The following FRMPD4 variants were observed in gnomAD, a reference collection of about 807,000 sequenced individuals.
FRMPD4 encodes FERM and PDZ domain containing 4.
Under a neutral mutation model 94.1 loss-of-function variants are expected in FRMPD4, and 22 were observed. The ratio of observed to expected loss-of-function variants is 0.23; its 90% CI spans 0.17 to 0.33. The LOEUF (loss-of-function observed/expected upper bound fraction) is 0.33. Among genes scored for constraint, FRMPD4 ranks in the 10% least tolerant of loss-of-function variants. FRMPD4 has a pLI of 1.00. For synonymous variants in FRMPD4, 631 were observed against 548.6 expected (o/e 1.15, Z -2.10); for missense variants, 1,111 against 1,339.9 (o/e 0.83, Z 2.67).
intron 1 of FRMPD4, chrX:12,375,263 ACAACT>A (rs2148013085): frequency 8.9e-6 from 1 of 112,863 alleles, no homozygotes; most frequent in African/African-American, 3.2e-5. Context: ...AGTGACTTAA[ACAACT>A]CAATTTATAA....
rs1001296423 is a variant in FRMPD4 at position 12,138,626 on chromosome X, C to G, written c.-346C>G. 3.5e-6 allele frequency: 1 copy of G among 286,598 alleles called. No homozygotes were observed. The highest frequency in any genetic ancestry group is 6.2e-5 in the Admixed American group (1 of 16,097). The allele number at this position is 286,598 out of a possible 1,213,427, so 23.6% of individuals were successfully genotyped here. A position where few individuals can be genotyped will look rare whatever the true frequency, so the allele number is the denominator to read the frequency against. ...CCCAGGCCTCGCTTTCTCTGGACGC[C>G]CGGCAGTCCCCGGGGCTAGAGCGCA... On this transcript the variant is annotated 5_prime_UTR_variant, in exon 1 of 17. Transcript: ENST00000675598.
At chrX:11,985,563 C>T (rs1416163422) in intron 3 of FRMPD4, among the ~76,000 whole-genome samples, 1 of 111,936 alleles carries the variant, frequency 8.9e-6, no homozygotes, top group African/African-American at 3.3e-5. Flanking sequence ...AGGTACCAGG[C>T]GCTGTGAGGA....
intron 2 of FRMPD4, among the ~76,000 whole-genome samples, chrX:12,567,613 G>A (rs1373438234): frequency 8.9e-6 from 1 of 111,900 alleles, no homozygotes. Context: ...ATGGGGTGAT[G>A]CCTACATGGT....
At position 12,260,889 on chromosome X, in the gene FRMPD4, A is replaced by G. The variant is rs1467988833; in HGVS notation, c.41+121877A>G. ...ACTTCTCTTTTTTCTGCATATGGCT[A>G]ACTTCTCTTATTTTTTAAGGTGACC... is the stretch of plus-strand genomic sequence containing the variant. On this transcript the variant is annotated intron_variant, in intron 1 of 16. Coordinates refer to ENST00000675598, the MANE Select transcript of FRMPD4 (RefSeq NM_001368397.1). 7.2e-5 allele frequency among the ~76,000 whole-genome samples: 8 copies of G among 111,734 alleles called. No individual in the cohort carries two copies. The South Asian group carries it at 2.6e-3, about 37-fold the overall frequency.
intron 1 of FRMPD4, among the ~76,000 whole-genome samples, chrX:12,206,089 G>A (rs1200395868): frequency 8.9e-6 from 1 of 112,038 alleles, no homozygotes. Context: ...TAAACCTGGT[G>A]ACAAATCTGG....
At chrX:12,568,841 G>C in intron 2 of FRMPD4, among the ~76,000 whole-genome samples, 1 of 110,448 alleles carries the variant, frequency 9.1e-6, no homozygotes, top group Middle Eastern at 4.7e-3. Context: ...AGGAAGATAC[G>C]CATTTCAGAG....
chrX:12,316,446 C>G (rs1432558624), intron 1 of FRMPD4, among the ~76,000 whole-genome samples: 1 of 111,776 alleles, frequency 8.9e-6, no homozygotes, highest in Non-Finnish European at 1.9e-5. Context: ...AGCTGCCGTG[C>G]CCAGCCCATT....
intron 1 of FRMPD4, among the ~76,000 whole-genome samples, chrX:12,420,926 T>G (rs1365044036): frequency 8.9e-6 from 1 of 112,777 alleles, no homozygotes; most frequent in Non-Finnish European, 1.9e-5. Context: ...TCTTTTCAAT[T>G]TATCTTTCAC....
At chrX:11,992,591 A>G (rs911211318) in intron 3 of FRMPD4, among the ~76,000 whole-genome samples, 1 of 111,957 alleles carries the variant, frequency 8.9e-6, no homozygotes, top group African/African-American at 3.2e-5. Context: ...ATATGATTAC[A>G]TCAATCTTTA....
At chrX:11,851,167 A>G (rs1462146914) in intron 1 of FRMPD4, among the ~76,000 whole-genome samples, 2 of 111,509 alleles carry the variant, frequency 1.8e-5, no homozygotes, top group East Asian at 5.7e-4. Flanking sequence ...TCCTACCTGA[A>G]GATCAGTCGT....
chrX:12,282,912 T>C (rs1190039942), intron 1 of FRMPD4, among the ~76,000 whole-genome samples: 1 of 112,671 alleles, frequency 8.9e-6, no homozygotes, highest in Non-Finnish European at 1.9e-5. Flanking sequence ...GTTCAATTCA[T>C]AACCATCAGC....
chrX:12,541,333 A>G (rs1275715987), intron 2 of FRMPD4, among the ~76,000 whole-genome samples: 2 of 111,703 alleles, frequency 1.8e-5, no homozygotes, highest in Non-Finnish European at 3.8e-5. Context: ...CACAATTGAT[A>G]GACGGCTACC....
In FRMPD4 at chrX:11,864,430, A is replaced by G. The variant is rs187892354; in HGVS notation, c.-160-656A>G. Among the ~76,000 whole-genome samples the G allele has an allele frequency of 2.0e-4, 22 of 109,690 alleles. No individual in the cohort carries two copies. In the East Asian group the frequency reaches 6.4e-3, roughly 32 times the overall value. On this transcript the variant is annotated intron_variant, in intron 1 of 18. Coordinates refer to the FRMPD4 transcript ENST00000640291. ...CCACAAGACTAAGCCAAGACCAAAC[A>G]TTGCAAGCAGAAGGGAAGAAGAAAA...
At chrX:12,505,862 A>G (rs2057979010) in intron 2 of FRMPD4, among the ~76,000 whole-genome samples, 1 of 111,888 alleles carries the variant, frequency 8.9e-6, no homozygotes, top group Non-Finnish European at 1.9e-5. Flanking sequence ...AGTTCCTCTC[A>G]AAGCTTGAAT....
At chrX:12,545,303 T>A (rs1174821083) in intron 2 of FRMPD4, among the ~76,000 whole-genome samples, 1 of 66,836 alleles carries the variant, frequency 1.5e-5, no homozygotes, top group Non-Finnish European at 3.3e-5. Context: ...GTATTTTATG[T>A]GTGGCCCCAA....
At chrX:12,708,331 G>C (rs1020513048) in intron 13 of FRMPD4, among the ~76,000 whole-genome samples, 1 of 109,964 alleles carries the variant, frequency 9.1e-6, no homozygotes, top group Admixed American at 9.7e-5. Context: ...TTAGCCGGGC[G>C]TGGTGGCGTG....
rs188489581 is a variant in FRMPD4 at position 12,212,049 on chromosome X, T to C, written c.41+73037T>C. Among the ~76,000 whole-genome samples, 11 of 111,639 alleles carry C rather than the reference T, an allele frequency of 9.9e-5. No homozygotes were observed. In the East Asian group the frequency reaches 3.1e-3, roughly 31 times the overall value. ...GATGTTTATTACTGTGGCAGAAACT[T>C]CCAGTTCCTCCCCACAGCCATCCTT... On this transcript the variant is annotated intron_variant, in intron 1 of 16. Coordinates refer to ENST00000675598, the MANE Select transcript of FRMPD4 (RefSeq NM_001368397.1).
At chrX:12,410,034 T>C (rs780705713) in intron 1 of FRMPD4, among the ~76,000 whole-genome samples, 4 of 111,868 alleles carry the variant, frequency 3.6e-5, no homozygotes, top group African/African-American at 1.3e-4. Context: ...TTAGTGAAGC[T>C]TTATGTCAGT....
intron 13 of FRMPD4, among the ~76,000 whole-genome samples, chrX:12,709,815 C>G (rs1194389448): frequency 9.0e-6 from 1 of 111,673 alleles, no homozygotes; most frequent in Non-Finnish European, 1.9e-5. Context: ...AGAAGACAAT[C>G]TCATTTTTTT....
Sources: allele counts gnomAD v4.1 joint callset (sites outside exome capture counted in the v4.1 genomes callset), GRCh38; gene constraint gnomAD v4.1.1; transcripts MANE v1.5; gene names NCBI Gene and HGNC (gene_info 2026-07-23, HGNC 2026-07-21).